Variants in RFX4 observed in about 807,000 individuals in gnomAD.
The protein encoded by RFX4 is transcription factor RFX4.
A neutral mutation model predicts 95.0 loss-of-function variants in RFX4; 10 were observed. That is an observed-to-expected ratio of 0.11 (90% CI 0.06 to 0.18). The LOEUF (loss-of-function observed/expected upper bound fraction) is 0.18, where lower values mean the gene tolerates loss of function less well. Ranked by LOEUF, RFX4 falls within the 10% of genes least tolerant of loss-of-function variation. The pLI, the probability that RFX4 is intolerant of heterozygous loss-of-function variation, is 1.00. For synonymous variants in RFX4, 321 were observed against 340.7 expected (o/e 0.94, Z 0.64); for missense variants, 640 against 922.0 (o/e 0.69, Z 3.96).
intron 9 of RFX4, 63 bp downstream of exon 9, chr12:106,709,493 A>T (rs562705884): frequency 2.3e-6 from 3 of 1,305,678 alleles, no homozygotes; most frequent in Non-Finnish European, 3.2e-6. Flanking sequence ...AATATTTTAC[A>T]TAAGTTGTTA....
At chr12:106,703,882 G>A (rs1481518143) in intron 8 of RFX4, among the ~76,000 whole-genome samples, 5 of 151,938 alleles carry the variant, frequency 3.3e-5, no homozygotes, top group Non-Finnish European at 5.9e-5. Context: ...CCTGGCCAAT[G>A]TGTCGAAACC....
At chr12:106,691,696 A>G (rs2041787007) in intron 7 of RFX4, among the ~76,000 whole-genome samples, 1 of 152,198 alleles carries the variant, frequency 6.6e-6, no homozygotes, top group Non-Finnish European at 1.5e-5. Flanking sequence ...CTCTACCACT[A>G]TAATGTAAGC....
intron 13 of RFX4, among the ~76,000 whole-genome samples, chr12:106,726,261 GA>G (rs2042495229): frequency 6.9e-6 from 1 of 144,608 alleles, no homozygotes; most frequent in African/African-American, 2.5e-5. Flanking sequence ...AAAAAAAAAA[GA>G]AAAAAAGGAA....
intron 1 of RFX4, among the ~76,000 whole-genome samples, chr12:106,583,915 C>T (rs1023333807): frequency 2.6e-5 from 4 of 152,158 alleles, no homozygotes; most frequent in African/African-American, 9.7e-5. Flanking sequence ...ACCCGGTGGT[C>T]CGGGGGAATC....
In RFX4 at chr12:106,643,627, T is replaced by C. The variant is rs539369454; in HGVS notation, c.191+4235T>C. 2.8e-4 allele frequency among the ~76,000 whole-genome samples: 42 copies of C among 152,316 alleles called. 3 individuals are homozygous for C. In the South Asian group the frequency reaches 8.3e-3, roughly 30 times the overall value. On this transcript the variant is annotated intron_variant, in intron 3 of 17. Transcript: ENST00000392842. ...GATTTACAACGTGTCCCCTTTTTGC[T>C]GTGGCTGCCGTGGGGTTGAGAGCTA...
At chr12:106,758,186 G>A (rs2043144236) in intron 17 of RFX4, among the ~76,000 whole-genome samples, 1 of 152,138 alleles carries the variant, frequency 6.6e-6, no homozygotes, top group South Asian at 2.1e-4. Flanking sequence ...AGGTGAGGCG[G>A]GTGCCACGGG....
At chr12:106,610,751 T>G (rs1043017019) in intron 2 of RFX4, among the ~76,000 whole-genome samples, 18 of 152,246 alleles carry the variant, frequency 1.2e-4, no homozygotes, top group Non-Finnish European at 2.5e-4. Flanking sequence ...TTTTGGTCAC[T>G]GTAAATAACG....
At chr12:106,590,764 G>A (rs909851895) in intron 1 of RFX4, among the ~76,000 whole-genome samples, 6 of 152,146 alleles carry the variant, frequency 3.9e-5, no homozygotes, top group African/African-American at 1.4e-4. Flanking sequence ...GGGCAACATA[G>A]TGACACTCTT....
intron 3 of RFX4, among the ~76,000 whole-genome samples, 169 bp downstream of exon 3, chr12:106,639,561 T>A (rs2040577804): frequency 1.3e-5 from 2 of 152,228 alleles, no homozygotes; most frequent in African/African-American, 4.8e-5. Context: ...TAGCCTTAGA[T>A]CTAGCCTGGA....
intron 15 of RFX4, among the ~76,000 whole-genome samples, chr12:106,739,406 T>C (rs34214904): frequency 0.096 from 14,614 of 152,186 alleles, 797 homozygotes; most frequent in East Asian, 0.26. Context: ...GGAACAGTAT[T>C]ATGTGTGCTC....
chr12:106,673,380 TC>T (rs1253469834), intron 4 of RFX4, among the ~76,000 whole-genome samples: 1 of 152,192 alleles, frequency 6.6e-6, no homozygotes, highest in African/African-American at 2.4e-5. Context: ...TTGTCCCACT[TC>T]CGGCTGGTGA....
intron 7 of RFX4, chr12:106,693,153 G>A (rs1245505057): frequency 4.7e-6 from 2 of 423,942 alleles, no homozygotes; most frequent in African/African-American, 4.1e-5. Context: ...CCAAGCCTTA[G>A]TGCTTGAGCT....
At chr12:106,605,364 C>T (rs959442996) in intron 1 of RFX4, among the ~76,000 whole-genome samples, 9 of 152,166 alleles carry the variant, frequency 5.9e-5, no homozygotes, top group Non-Finnish European at 1.2e-4. Flanking sequence ...TAGGAAGCTA[C>T]CTGGCTTGTG....
chr12:106,590,555 G>T (rs2039524786), intron 1 of RFX4, among the ~76,000 whole-genome samples: 1 of 152,194 alleles, frequency 6.6e-6, no homozygotes, highest in African/African-American at 2.4e-5. Context: ...CACTCTTATT[G>T]TGTGTTCCTA....
intron 2 of RFX4, among the ~76,000 whole-genome samples, chr12:106,621,065 T>A (rs2040175466): frequency 6.6e-6 from 1 of 152,166 alleles, no homozygotes; most frequent in Non-Finnish European, 1.5e-5. Context: ...ACTGATTTCA[T>A]ATTGTTCAAA....
At chr12:106,688,064 CTTTTTTTTTTTTTTT>C (rs754808212) in intron 6 of RFX4, among the ~76,000 whole-genome samples, 2 of 96,234 alleles carry the variant, frequency 2.1e-5, no homozygotes, top group Admixed American at 1.1e-4. Context: ...TATCACATTT[CTTTTTTTTTTTTTTT>C]TTTTTTTTGA....
chr12:106,717,110 G>A (rs1447413927), intron 11 of RFX4, among the ~76,000 whole-genome samples: 1 of 151,834 alleles, frequency 6.6e-6, no homozygotes, highest in African/African-American at 2.4e-5. Context: ...GTCCCCTGAT[G>A]GAAAGTCAAC....
chr12:106,757,933 G>C (rs1420444871), intron 17 of RFX4, among the ~76,000 whole-genome samples: 1 of 152,236 alleles, frequency 6.6e-6, no homozygotes, highest in Non-Finnish European at 1.5e-5. Flanking sequence ...TGGACTGTGT[G>C]TGCAGGCACA....
At chr12:106,608,222 C>T (rs1201735912) in intron 1 of RFX4, among the ~76,000 whole-genome samples, 1 of 152,058 alleles carries the variant, frequency 6.6e-6, no homozygotes, top group African/African-American at 2.4e-5. Flanking sequence ...TACATAGCTA[C>T]CATAGTGCTT....
Sources: allele counts gnomAD v4.1 joint callset (sites outside exome capture counted in the v4.1 genomes callset), GRCh38; gene constraint gnomAD v4.1.1; transcripts MANE v1.5; gene names NCBI Gene and HGNC (gene_info 2026-07-23, HGNC 2026-07-21).